Variants in CDYL2 observed in about 807,000 individuals in gnomAD.
CDYL2 encodes the protein chromodomain Y like 2.
In CDYL2, 23 loss-of-function variants were observed where a neutral mutation model predicts 49.4. The observed-to-expected ratio is 0.47, with a 90% CI of 0.34 to 0.66. CDYL2 has a LOEUF of 0.66. CDYL2 is among the 30% of genes least tolerant of loss of function. The probability of loss-of-function intolerance (pLI) is 0.01; values close to 1 mark genes in which losing one functional copy is unlikely to be tolerated. For synonymous variants in CDYL2, 360 were observed against 268.8 expected (o/e 1.34, Z -3.32); for missense variants, 678 against 656.4 (o/e 1.03, Z -0.36).
intron 1 of CDYL2, among the ~76,000 whole-genome samples, chr16:80,792,342 G>C (rs954272005): frequency 6.6e-6 from 1 of 152,146 alleles, no homozygotes; most frequent in African/African-American, 2.4e-5. Context: ...AGGACACAAA[G>C]GCAACTGAGA....
chr16:80,801,084 G>A (rs1367918575), intron 1 of CDYL2, among the ~76,000 whole-genome samples: 1 of 152,194 alleles, frequency 6.6e-6, no homozygotes, highest in Non-Finnish European at 1.5e-5. Context: ...TGGCTCACAG[G>A]CTGCCACTCC....
chr16:80,802,719 T>C (rs981816212), intron 1 of CDYL2, among the ~76,000 whole-genome samples: 1 of 152,106 alleles, frequency 6.6e-6, no homozygotes, highest in Non-Finnish European at 1.5e-5. Flanking sequence ...CACAAGAACA[T>C]GGTCACACAG....
chr16:80,727,822 C>T (rs1294703192), intron 1 of CDYL2, among the ~76,000 whole-genome samples: 1 of 152,178 alleles, frequency 6.6e-6, no homozygotes, highest in African/African-American at 2.4e-5. Context: ...CTGAAAGGCA[C>T]CCCCCAGCAG....
At chr16:80,645,647 A>G (rs1225663902) in intron 2 of CDYL2, among the ~76,000 whole-genome samples, 1 of 152,148 alleles carries the variant, frequency 6.6e-6, no homozygotes, top group East Asian at 1.9e-4. Context: ...ATATATCCAA[A>G]GGATTATAAA....
intron 1 of CDYL2, among the ~76,000 whole-genome samples, chr16:80,716,575 T>A (rs116931272): frequency 7.9e-5 from 12 of 151,952 alleles, no homozygotes; most frequent in Admixed American, 4.6e-4. Context: ...GATGACTGAA[T>A]GAATGGACAG....
At chr16:80,734,573 G>A (rs1905449508) in intron 1 of CDYL2, among the ~76,000 whole-genome samples, 1 of 152,148 alleles carries the variant, frequency 6.6e-6, no homozygotes, top group South Asian at 2.1e-4. Context: ...GGCAGCTAAG[G>A]AGAAGCCTTT....
chr16:80,616,976 G>A (rs112073813), intron 4 of CDYL2, among the ~76,000 whole-genome samples: 272 of 152,298 alleles, frequency 1.8e-3, no homozygotes, highest in African/African-American at 5.7e-3. Flanking sequence ...GAGCTCAGGC[G>A]GTCTGCTTCC....
intron 2 of CDYL2, among the ~76,000 whole-genome samples, chr16:80,669,094 C>T (rs56776891): frequency 0.04 from 6,051 of 151,818 alleles, 217 homozygotes; most frequent in African/African-American, 0.094. Flanking sequence ...ACAAATTTGT[C>T]TCCTCTTTCT....
At chr16:80,705,801 T>C (rs1904384924) in intron 1 of CDYL2, among the ~76,000 whole-genome samples, 1 of 152,266 alleles carries the variant, frequency 6.6e-6, no homozygotes, top group Non-Finnish European at 1.5e-5. Flanking sequence ...TAAAACTTTA[T>C]TTATAAAAAC....
chr16:80,746,410 C>T (rs1389929583), intron 1 of CDYL2, among the ~76,000 whole-genome samples: 2 of 152,106 alleles, frequency 1.3e-5, no homozygotes, highest in African/African-American at 4.8e-5. Context: ...CATTTGGCAC[C>T]GACTCCAGTA....
chr16:80,725,224 T>C (rs536128819), intron 1 of CDYL2, among the ~76,000 whole-genome samples: 2 of 150,242 alleles, frequency 1.3e-5, no homozygotes, highest in East Asian at 3.9e-4. Context: ...ACACACACTT[T>C]GCCTCACCAA....
chr16:80,713,513 A>T (rs3100179), intron 1 of CDYL2, among the ~76,000 whole-genome samples: 62,235 of 151,974 alleles, frequency 0.41, 15,427 homozygotes, highest in African/African-American at 0.7. Flanking sequence ...CCTCTGAACC[A>T]TTGATGAGCT....
intron 4 of CDYL2, among the ~76,000 whole-genome samples, chr16:80,613,391 A>G (rs940081279): frequency 6.6e-6 from 1 of 152,168 alleles, no homozygotes; most frequent in African/African-American, 2.4e-5. Flanking sequence ...AGGGACTTCA[A>G]GCTTCAGATG....
chr16:80,759,842 C>G (rs930968520), intron 1 of CDYL2, among the ~76,000 whole-genome samples: 5 of 151,994 alleles, frequency 3.3e-5, no homozygotes, highest in Admixed American at 2.6e-4. Context: ...CAGGGGAATT[C>G]TAAGATTCCC....
In CDYL2 at chr16:80,620,816, G is replaced by A; in HGVS notation, c.954C>T (p.Gly318=). The change falls in exon 4 of 7, where the codon GGC becomes GGT. Residue 318 remains glycine (G), a synonymous_variant. Coordinates refer to ENST00000570137, the MANE Select transcript of CDYL2 (RefSeq NM_152342.4). The part of the protein sequence containing the change: ...CSGLDYSYLI[G]RLSSDRRKES... ...CCTTTCGCCGGTCGCTGGACAACCG[G>A]CCAATTAGGTAGGAATAATCCAGGC... 1 of 1,611,572 alleles carries A rather than the reference G, an allele frequency of 6.2e-7. No individual in the cohort carries two copies. Among genetic ancestry groups the A allele is most frequent in the Non-Finnish European group, 8.5e-7 (1 of 1,178,378 alleles).
At chr16:80,666,579 C>T (rs777125227) in intron 2 of CDYL2, among the ~76,000 whole-genome samples, 7 of 152,070 alleles carry the variant, frequency 4.6e-5, no homozygotes, top group South Asian at 4.1e-4. Flanking sequence ...TGGCAGATGG[C>T]GACAACAATC....
intron 1 of CDYL2, among the ~76,000 whole-genome samples, chr16:80,691,658 T>A (rs1910420349): frequency 6.6e-6 from 1 of 152,178 alleles, no homozygotes; most frequent in Non-Finnish European, 1.5e-5. Context: ...AAGAACATGA[T>A]CATAACTAAA....
At chr16:80,729,956 G>A (rs1905274237) in intron 1 of CDYL2, among the ~76,000 whole-genome samples, 1 of 152,044 alleles carries the variant, frequency 6.6e-6, no homozygotes, top group Non-Finnish European at 1.5e-5. Context: ...AAAGCAGTGG[G>A]TAGAGGGAAA....
chr16:80,698,759 G>A (rs192290231), intron 1 of CDYL2, among the ~76,000 whole-genome samples: 1 of 152,158 alleles, frequency 6.6e-6, no homozygotes, highest in Non-Finnish European at 1.5e-5. Flanking sequence ...TGCCATGATT[G>A]TAAGTTTCCT....
Sources: gnomAD v4.1 joint callset for allele counts (sites outside exome capture counted in the v4.1 genomes callset) on GRCh38, gnomAD v4.1.1 for gene constraint, MANE v1.5 for transcripts, NCBI Gene and HGNC (gene_info 2026-07-23, HGNC 2026-07-21) for gene names.